The following NRG3 variants were observed in gnomAD, a reference collection of about 807,000 sequenced individuals.
NRG3 encodes the protein neuregulin 3.
NRG3 carries 31 observed loss-of-function variants against 66.9 expected under a neutral mutation model. The observed-to-expected ratio is 0.46, with a 90% CI of 0.35 to 0.63. NRG3 has a LOEUF of 0.63. Among genes scored for constraint, NRG3 ranks in the 20% least tolerant of loss-of-function variants. The pLI is 0.00. For synonymous variants in NRG3, 393 were observed against 359.4 expected (o/e 1.09, Z -1.06); for missense variants, 910 against 878.9 (o/e 1.04, Z -0.45).
chr10:81,942,942 T>C (rs1848524882), intron 1 of NRG3, among the ~76,000 whole-genome samples: 1 of 152,312 alleles, frequency 6.6e-6, no homozygotes, highest in Admixed American at 6.5e-5. Flanking sequence ...TTTTAGAACA[T>C]TAAAGTTAGA....
At chr10:82,812,984 A>T (rs962944766) in intron 3 of NRG3, among the ~76,000 whole-genome samples, 1 of 152,198 alleles carries the variant, frequency 6.6e-6, no homozygotes, top group Non-Finnish European at 1.5e-5. Context: ...TTACATCTTG[A>T]CATGTTGTCC....
At chr10:82,122,866 C>T (rs1006369658) in intron 1 of NRG3, among the ~76,000 whole-genome samples, 1 of 152,078 alleles carries the variant, frequency 6.6e-6, no homozygotes, top group African/African-American at 2.4e-5. Context: ...CTTCTTTTTA[C>T]TACATGATGT....
rs372390773 is a variant in NRG3 at position 81,952,803 on chromosome 10, A to G, written c.823+76640A>G. ...AAATTTTTATTTTTGTAGAGAAGAG[A>G]TCTTGCTATGTTGCCCAGGGTGGTC... On this transcript the variant is annotated intron_variant, in intron 1 of 8. Coordinates refer to ENST00000372141, the MANE Select transcript of NRG3 (RefSeq NM_001010848.4). 4.0e-4 allele frequency among the ~76,000 whole-genome samples: 61 copies of G among 151,866 alleles called. 1 individual carries two copies. The South Asian group carries it at 0.012, about 30-fold the overall frequency.
intron 1 of NRG3, among the ~76,000 whole-genome samples, chr10:82,057,670 T>C (rs1169632581): frequency 6.6e-6 from 1 of 151,900 alleles, no homozygotes; most frequent in Admixed American, 6.6e-5. Flanking sequence ...GTTTCAAACA[T>C]GAGGGCAAAT....
At chr10:82,091,588 C>A (rs939752599) in intron 1 of NRG3, among the ~76,000 whole-genome samples, 1 of 152,130 alleles carries the variant, frequency 6.6e-6, no homozygotes, top group Admixed American at 6.6e-5. Context: ...TTGCCTCTGT[C>A]CCTTGGCTGT....
intron 3 of NRG3, among the ~76,000 whole-genome samples, chr10:82,779,953 T>C (rs568470909): frequency 6.0e-5 from 9 of 150,338 alleles, no homozygotes; most frequent in Non-Finnish European, 1.3e-4. Context: ...CTCCCACTTA[T>C]GAGTGAGAAC....
intron 2 of NRG3, among the ~76,000 whole-genome samples, chr10:82,656,203 G>A (rs139876422): frequency 5.8e-4 from 88 of 151,066 alleles, no homozygotes; most frequent in Non-Finnish European, 1.1e-3. Flanking sequence ...ATTGGCAACA[G>A]ACAAAAAAAT....
At chr10:81,967,586 A>G (rs913731221) in intron 1 of NRG3, among the ~76,000 whole-genome samples, 3 of 152,110 alleles carry the variant, frequency 2.0e-5, no homozygotes, top group Non-Finnish European at 2.9e-5. Context: ...GCGTGCTTAT[A>G]TAGTCTGTTG....
Position 81,891,355 on chromosome 10 carries a change from A to G in NRG3, c.823+15192A>G, listed in dbSNP as rs557963899. On this transcript the variant is annotated intron_variant, in intron 1 of 8. Coordinates refer to ENST00000372141, the MANE Select transcript of NRG3 (RefSeq NM_001010848.4). ...GTACTCTCTGTAAGGTTTGGCATGG[A>G]CAGCAATGTGCTGTTGGCAATATGG... Among the ~76,000 whole-genome samples, 406 of 152,328 alleles carry G rather than the reference A, an allele frequency of 2.7e-3. 3 individuals carry two copies. Among genetic ancestry groups the G allele is most frequent in the African/African-American group, 9.5e-3 (393 of 41,582 alleles).
At chr10:81,913,074 G>C (rs1351305721) in intron 1 of NRG3, among the ~76,000 whole-genome samples, 1 of 109,924 alleles carries the variant, frequency 9.1e-6, no homozygotes, top group Non-Finnish European at 1.6e-5. Context: ...TGTCTGAAGG[G>C]ACCATTGGGG....
intron 1 of NRG3, among the ~76,000 whole-genome samples, chr10:82,032,870 C>T (rs2062632350): frequency 1.3e-5 from 2 of 152,092 alleles, no homozygotes; most frequent in Admixed American, 1.3e-4. Context: ...TATAGATCCT[C>T]ATTTGTCCTT....
At chr10:81,922,071 C>T (rs1398040153) in intron 1 of NRG3, among the ~76,000 whole-genome samples, 2 of 152,158 alleles carry the variant, frequency 1.3e-5, no homozygotes, top group South Asian at 4.1e-4. Context: ...TTATACTATC[C>T]AGTTTAAATG....
At chr10:82,958,004 G>A (rs1850240340) in intron 5 of NRG3, among the ~76,000 whole-genome samples, 1 of 152,172 alleles carries the variant, frequency 6.6e-6, no homozygotes. Flanking sequence ...TGCTAAGGCA[G>A]TGGTTTGTCC....
At chr10:82,798,326 T>TATA (rs1475335356) in intron 3 of NRG3, among the ~76,000 whole-genome samples, 8 of 152,290 alleles carry the variant, frequency 5.3e-5, no homozygotes, top group African/African-American at 1.9e-4. Flanking sequence ...TTGACATGTA[T>TATA]ATAAGGTGGC....
chr10:82,660,196 C>CAAAAAAAAAAAAAAAAAAAAA (rs58870828), intron 2 of NRG3, among the ~76,000 whole-genome samples: 2 of 19,562 alleles, frequency 1.0e-4, no homozygotes, highest in African/African-American at 1.6e-4. Context: ...AACTCCCTCT[C>CAAAAAAAAAAAAAAAAAAAAA]AAAAAAAAAA....
intron 2 of NRG3, among the ~76,000 whole-genome samples, chr10:82,576,814 A>G (rs2046059985): frequency 2.6e-5 from 4 of 151,672 alleles, no homozygotes; most frequent in Admixed American, 2.6e-4. Flanking sequence ...TTGAGACATA[A>G]TAGGTTTGTT....
At chr10:82,909,433 C>A (rs1423077047) in intron 4 of NRG3, among the ~76,000 whole-genome samples, 1 of 152,098 alleles carries the variant, frequency 6.6e-6, no homozygotes, top group African/African-American at 2.4e-5. Flanking sequence ...AACTTTTACA[C>A]CCGACCTCAT....
At chr10:82,463,663 T>C (rs914451476) in intron 2 of NRG3, among the ~76,000 whole-genome samples, 6 of 152,154 alleles carry the variant, frequency 3.9e-5, no homozygotes, top group Admixed American at 3.3e-4. Context: ...CACTACCTCT[T>C]CAGAACATGT....
chr10:82,732,972 C>T (rs980432293), intron 2 of NRG3, among the ~76,000 whole-genome samples: 8 of 152,218 alleles, frequency 5.3e-5, no homozygotes, highest in Admixed American at 5.2e-4. Context: ...GTGTATATTA[C>T]TGACCATGTT....
Sources: gnomAD v4.1 joint callset for allele counts (sites outside exome capture counted in the v4.1 genomes callset) on GRCh38, gnomAD v4.1.1 for gene constraint, MANE v1.5 for transcripts, NCBI Gene and HGNC (gene_info 2026-07-23, HGNC 2026-07-21) for gene names.